The following CDON variants were observed in gnomAD, a reference collection of about 807,000 sequenced individuals.
CDON encodes the protein cell adhesion associated, oncogene regulated, also known as cell adhesion molecule-related/down-regulated by oncogenes.
CDON carries 73 observed loss-of-function variants against 120.9 expected under a neutral mutation model. That is an observed-to-expected ratio of 0.60 (90% CI 0.50 to 0.73). The LOEUF (loss-of-function observed/expected upper bound fraction) is 0.73, where lower values mean the gene tolerates loss of function less well. Ranked by LOEUF, CDON falls within the 30% of genes least tolerant of loss-of-function variation. The probability of loss-of-function intolerance (pLI) is 0.00; values close to 1 mark genes in which losing one functional copy is unlikely to be tolerated. For synonymous variants in CDON, 566 were observed against 573.5 expected, an observed-to-expected ratio of 0.99 and a Z score of 0.19; for missense variants, 1,470 against 1,587.3, an observed-to-expected ratio of 0.93 and a Z score of 1.26.
At chr11:125,976,914 A>G (rs1008662591) in intron 18 of CDON, among the ~76,000 whole-genome samples, 59 of 152,218 alleles carry the variant, frequency 3.9e-4, no homozygotes, top group African/African-American at 1.4e-3. Context: ...GCCCAGGTCT[A>G]CTTATTCTTA....
Position 126,006,006 on chromosome 11 carries a change from G to A in CDON, c.1604C>T (p.Ala535Val). 1 of 1,614,132 alleles carries A rather than the reference G, an allele frequency of 6.2e-7. No individual in the cohort carries two copies. The highest frequency in any genetic ancestry group is 8.5e-7 in the Non-Finnish European group (1 of 1,180,006). Residue 535 changes from alanine (A) to valine (V), a missense_variant, in exon 9 of 20, where the codon GCT becomes GTT. Physicochemically the swap from Ala to Val is moderately conservative, Grantham distance 64. Coordinates refer to ENST00000531738, the MANE Select transcript of CDON (RefSeq NM_001378964.1). The stretch of plus-strand genomic sequence containing the variant: ...TCTCTTACTTCTGTCATCATTCTGA[G>A]CAGCATCAGGAAGTGTGACTGTCTC... ...KAETVTLPDA[A>V]QNDDRSKRDG...
At chr11:125,995,108 A>G (rs1946745360) in intron 12 of CDON, 56 bp from the exon 13 acceptor site, 1 of 1,476,138 alleles carries the variant, frequency 6.8e-7, no homozygotes, top group African/African-American at 1.4e-5. Context: ...AACTAAGAAA[A>G]GCTATAATAA....
At chr11:125,973,533 A>G (rs1393438309) in intron 18 of CDON, among the ~76,000 whole-genome samples, 1 of 151,904 alleles carries the variant, frequency 6.6e-6, no homozygotes, top group African/African-American at 2.4e-5. Flanking sequence ...TCCATCTCAG[A>G]AAACAAAAAC....
intron 7 of CDON, among the ~76,000 whole-genome samples, chr11:126,011,873 A>G (rs1474130093): frequency 6.6e-6 from 1 of 152,218 alleles, no homozygotes; most frequent in East Asian, 1.9e-4. Flanking sequence ...TCTTTTATAC[A>G]ATGTGAGTAA....
chr11:125,962,221 G>C (rs1327497672), intron 18 of CDON, among the ~76,000 whole-genome samples: 2 of 152,180 alleles, frequency 1.3e-5, no homozygotes, highest in Non-Finnish European at 2.9e-5. Flanking sequence ...GAATACTTAA[G>C]AATGCATTCT....
intron 18 of CDON, among the ~76,000 whole-genome samples, chr11:125,965,220 C>T (rs1044228852): frequency 6.6e-6 from 1 of 152,166 alleles, no homozygotes; most frequent in African/African-American, 2.4e-5. Context: ...CGTAAGCCAT[C>T]ACGCCTGGCC....
At chr11:126,017,408 T>G (rs1354981251) in intron 5 of CDON, 33 bp from the exon 6 acceptor site, 5 of 1,600,806 alleles carry the variant, frequency 3.1e-6, no homozygotes, top group South Asian at 1.1e-5. Flanking sequence ...AGATTATTAG[T>G]AAGTCTTCGA....
Position 125,974,114 on chromosome 11 carries a change from T to C in CDON, c.3356+4190A>G, listed in dbSNP as rs569149315. Among the ~76,000 whole-genome samples, 4 of 151,990 alleles carry C rather than the reference T, an allele frequency of 2.6e-5. No homozygotes were observed. The South Asian group carries it at 8.3e-4, about 32-fold the overall frequency. On this transcript the variant is annotated intron_variant, in intron 18 of 19. Coordinates refer to ENST00000531738, the MANE Select transcript of CDON (RefSeq NM_001378964.1). ...TTTCACCACATTGGCCAGGTTGGTC[T>C]CAAACTCCTGACCTCAGGTGATCCG... is the stretch of plus-strand genomic sequence containing the variant.
At position 125,978,348 on chromosome 11, in the gene CDON, G is replaced by A. The variant is rs886047976; in HGVS notation, c.3312C>T (p.Asp1104=). The A allele has an allele frequency of 1.2e-6, 2 of 1,609,894 alleles. No homozygotes were observed. The highest frequency in any genetic ancestry group is 2.7e-5 in the African/African-American group (2 of 74,980). ...GGMYTAVPQI[D]PLECVNCRNC... ...TTCGGCAGTTAACACACTCCAGAGG[G>A]TCAATCTGAGGCACGGCCGTGTACA... The change falls in exon 18 of 20, where the codon GAC becomes GAT. Residue 1104 remains aspartate, a synonymous_variant. Coordinates refer to ENST00000531738, the MANE Select transcript of CDON (RefSeq NM_001378964.1).
intron 12 of CDON, among the ~76,000 whole-genome samples, chr11:125,996,448 C>T (rs144728378): frequency 1.3e-5 from 2 of 152,088 alleles, no homozygotes; most frequent in African/African-American, 4.8e-5. Context: ...CCTGTAATCC[C>T]AGCACTTTGG....
intron 15 of CDON, among the ~76,000 whole-genome samples, chr11:125,988,612 T>C (rs1245045285): frequency 9.2e-5 from 14 of 152,210 alleles, no homozygotes; most frequent in Non-Finnish European, 4.4e-5. Flanking sequence ...TCCTTGCAGT[T>C]GACAGTATTC....
At chr11:126,017,506 CT>C in intron 5 of CDON, 131 bp from the exon 6 acceptor site, 4 of 879,392 alleles carry the variant, frequency 4.5e-6, no homozygotes, top group Non-Finnish European at 3.5e-6. Context: ...TGGTTAAATC[CT>C]TTTTAGTTGA....
At chr11:125,988,659 G>T (rs80083875) in intron 15 of CDON, among the ~76,000 whole-genome samples, 4,333 of 152,282 alleles carry the variant, frequency 0.028, 85 homozygotes, top group African/African-American at 0.052. Flanking sequence ...GACTGTGGAC[G>T]AGTGGTTTTG....
chr11:126,021,101 AAT>A, intron 3 of CDON, 145 bp downstream of exon 3: 1 of 783,220 alleles, frequency 1.3e-6, no homozygotes, highest in South Asian at 1.6e-5. Context: ...GCACTTCCAC[AAT>A]ATACTCACAG....
At chr11:125,981,970 C>CTTTTTT (rs61446837) in intron 16 of CDON, among the ~76,000 whole-genome samples, 901 of 54,300 alleles carry the variant, frequency 0.017, 193 homozygotes, top group East Asian at 0.032. Context: ...ATTCTATTTT[C>CTTTTTT]TTTTTTTTTT....
intron 15 of CDON, 93 bp from the exon 16 acceptor site, chr11:125,984,186 A>C: frequency 1.2e-6 from 1 of 867,660 alleles, no homozygotes; most frequent in South Asian, 1.4e-5. Flanking sequence ...TAGGAATGCA[A>C]GCCAGTCTGT....
intron 14 of CDON, among the ~76,000 whole-genome samples, chr11:125,991,767 A>G (rs1200608388): frequency 6.6e-6 from 1 of 152,216 alleles, no homozygotes; most frequent in East Asian, 1.9e-4. Flanking sequence ...CATAAACTTG[A>G]AAATATAGAA....
At position 126,022,434 on chromosome 11, in the gene CDON, A is replaced by C. The variant is rs118049162; in HGVS notation, c.77-914T>G. 1.6e-3 allele frequency among the ~76,000 whole-genome samples: 245 copies of C among 152,320 alleles called. 1 individual carries two copies. The highest frequency in any genetic ancestry group is 2.9e-3 in the Non-Finnish European group (197 of 68,032). ...CTTCGTATTTTTATTTGGGATTTGA[A>C]ATGGTTTCGTCTGTTATTTCTATTA... On this transcript the variant is annotated intron_variant, in intron 2 of 19. Coordinates refer to ENST00000531738, the MANE Select transcript of CDON (RefSeq NM_001378964.1).
chr11:126,018,199 C>T, intron 5 of CDON, 131 bp downstream of exon 5: 2 of 960,044 alleles, frequency 2.1e-6, no homozygotes, highest in Admixed American at 3.6e-5. Context: ...CACACCTAGC[C>T]TGTATTTACT....
Sources: gnomAD v4.1 joint callset for allele counts (sites outside exome capture counted in the v4.1 genomes callset) on GRCh38, gnomAD v4.1.1 for gene constraint, MANE v1.5 for transcripts, NCBI Gene and HGNC (gene_info 2026-07-23, HGNC 2026-07-21) for gene names.